Variants in EBF1 observed in about 807,000 individuals in gnomAD.
The protein encoded by EBF1 is transcription factor COE1.
In EBF1, 10 loss-of-function variants were observed where a neutral mutation model predicts 68.4. The observed-to-expected ratio is 0.15, with a 90% CI of 0.09 to 0.25. The LOEUF is 0.25. EBF1 is among the 10% of genes least tolerant of loss of function. EBF1 has a pLI of 1.00. For synonymous variants in EBF1, 298 were observed against 299.8 expected, an observed-to-expected ratio of 0.99 and a Z score of 0.06; for missense variants, 509 against 794.4, an observed-to-expected ratio of 0.64 and a Z score of 4.32.
chr5:158,770,309 A>T (rs2127651082), intron 10 of EBF1, among the ~76,000 whole-genome samples: 1 of 152,052 alleles, frequency 6.6e-6, no homozygotes, highest in South Asian at 2.1e-4. Flanking sequence ...ATCTCCACTG[A>T]TTACCACCCA....
chr5:159,092,939 C>T (rs943514634), intron 4 of EBF1, among the ~76,000 whole-genome samples: 5 of 152,110 alleles, frequency 3.3e-5, no homozygotes, highest in African/African-American at 1.2e-4. Flanking sequence ...TATATCAAGA[C>T]TTACATCTGA....
chr5:158,696,445 G>C lies in EBF1; in HGVS notation c.*2666C>G, dbSNP rs1328943632. On this transcript the variant is annotated 3_prime_UTR_variant, in exon 16 of 16. Coordinates refer to ENST00000313708, the MANE Select transcript of EBF1 (RefSeq NM_024007.5). Reference sequence around the variant, plus strand: ...CATGGCTGACAGATGGGTAGTGTCTGTTGTCAAGGTCTAAGCCGGACACCT... The same window carrying C: ...CATGGCTGACAGATGGGTAGTGTCTCTTGTCAAGGTCTAAGCCGGACACCT... 2 of 221,738 alleles carry C rather than the reference G, an allele frequency of 9.0e-6. No homozygotes were observed. Among genetic ancestry groups the C allele is most frequent in the Non-Finnish European group, 1.8e-5 (2 of 110,866 alleles). The allele number at this position is 221,738 out of a possible 1,614,324, so 13.7% of individuals were successfully genotyped here.
chr5:159,041,816 T>C (rs1584195719), intron 6 of EBF1, among the ~76,000 whole-genome samples: 1 of 152,170 alleles, frequency 6.6e-6, no homozygotes, highest in African/African-American at 2.4e-5. Flanking sequence ...ATTGGAAGGG[T>C]CAGCTCACTG....
chr5:158,809,398 G>A (rs1782183508), intron 8 of EBF1, among the ~76,000 whole-genome samples: 1 of 152,046 alleles, frequency 6.6e-6, no homozygotes. Flanking sequence ...GTGTTTATCT[G>A]AAATTTCTGT....
At chr5:159,056,630 C>T (rs1774789440) in intron 6 of EBF1, among the ~76,000 whole-genome samples, 2 of 152,162 alleles carry the variant, frequency 1.3e-5, no homozygotes, top group African/African-American at 4.8e-5. Flanking sequence ...GGAAGAAATA[C>T]AGTGTACTTT....
At chr5:158,992,931 T>C (rs1190323072) in intron 6 of EBF1, among the ~76,000 whole-genome samples, 2 of 135,386 alleles carry the variant, frequency 1.5e-5, no homozygotes, top group African/African-American at 2.8e-5. Flanking sequence ...TTTTTTTTTT[T>C]TTTTTTTTTT....
At chr5:158,701,516 T>A (rs150443463) in intron 15 of EBF1, among the ~76,000 whole-genome samples, 4 of 152,184 alleles carry the variant, frequency 2.6e-5, no homozygotes, top group African/African-American at 9.6e-5. Context: ...TTTTGGACCA[T>A]TGGGGCTGCA....
chr5:159,012,447 C>A (rs1325366209), intron 6 of EBF1, among the ~76,000 whole-genome samples: 1 of 152,024 alleles, frequency 6.6e-6, no homozygotes, highest in Non-Finnish European at 1.5e-5. Context: ...AGTCCTAACC[C>A]CCAGTACCTC....
At chr5:159,051,414 C>T (rs1266157223) in intron 6 of EBF1, among the ~76,000 whole-genome samples, 1 of 130,684 alleles carries the variant, frequency 7.7e-6, no homozygotes, top group Admixed American at 7.5e-5. Flanking sequence ...CCCTCCCCCT[C>T]CCCCCCGCTC....
At position 159,083,530 on chromosome 5, in the gene EBF1, G is replaced by C. The variant is rs183010542; in HGVS notation, c.485+1136C>G. Among the ~76,000 whole-genome samples, 99 of 152,232 alleles carry C rather than the reference G, an allele frequency of 6.5e-4. No homozygotes were observed. In the Middle Eastern group the frequency reaches 0.017, roughly 26 times the overall value. Reference sequence around the variant, plus strand: ...ATATGTTAGAAATATTTTTAAAAGGGAAAAAATGAAAATTGTATATCCATA... The same window carrying C: ...ATATGTTAGAAATATTTTTAAAAGGCAAAAAATGAAAATTGTATATCCATA... On this transcript the variant is annotated intron_variant, in intron 5 of 15. Coordinates refer to ENST00000313708, the MANE Select transcript of EBF1 (RefSeq NM_024007.5).
intron 6 of EBF1, among the ~76,000 whole-genome samples, chr5:158,843,714 T>C (rs957878946): frequency 2.0e-5 from 3 of 152,164 alleles, no homozygotes; most frequent in African/African-American, 7.2e-5. Context: ...AGAAATTCTT[T>C]CAAAGTTTTC....
chr5:158,770,316 C>A (rs989636844), intron 10 of EBF1, among the ~76,000 whole-genome samples: 1 of 152,074 alleles, frequency 6.6e-6, no homozygotes, highest in Non-Finnish European at 1.5e-5. Flanking sequence ...CTGATTACCA[C>A]CCAAATCAAA....
chr5:159,011,396 T>C (rs1764636186), intron 6 of EBF1, among the ~76,000 whole-genome samples: 1 of 152,240 alleles, frequency 6.6e-6, no homozygotes. Flanking sequence ...TTTTGTTAGC[T>C]GGCTGCCGGA....
At chr5:158,852,996 G>A (rs1449567017) in intron 6 of EBF1, among the ~76,000 whole-genome samples, 1 of 152,124 alleles carries the variant, frequency 6.6e-6, no homozygotes, top group Non-Finnish European at 1.5e-5. Context: ...ATCTAATCCA[G>A]ATATTCTTAA....
rs867575387 is a variant in EBF1, at chr5:158,948,680, C to A, written c.555-108570G>T. ...GAGGCCGGTCTGCGCTCTCCCAGAG[C>A]CAAATGAACCCTCCCTTGCTTTCTC... On this transcript the variant is annotated intron_variant, in intron 6 of 15. Coordinates refer to ENST00000313708, the MANE Select transcript of EBF1 (RefSeq NM_024007.5). Among the ~76,000 whole-genome samples the A allele has an allele frequency of 7.9e-5, 12 of 152,320 alleles. No individual in the cohort carries two copies. The Middle Eastern group carries it at 0.01, about 130-fold the overall frequency.
intron 6 of EBF1, chr5:158,984,728 C>T (rs941472722): frequency 1.3e-5 from 2 of 149,272 alleles, no homozygotes; most frequent in African/African-American, 5.0e-5. Context: ...ACTCTGTCAC[C>T]CAGGCTGCAG....
rs1350397888 is a variant in EBF1, at chr5:158,707,992, C to A, written c.1731G>T (p.Gly577=). 13 of 1,549,540 alleles carry A rather than the reference C, an allele frequency of 8.4e-6. No individual in the cohort carries two copies. The highest frequency in any genetic ancestry group is 1.0e-5 in the Non-Finnish European group (12 of 1,146,674). ...SPPPTCTSTN[G]NSLQAISGMI... Reference sequence around the variant, plus strand: ...CCTGGGGCTTACCTTGCAGGCTGTTCCCGTTGGTGCTGGTGCAGGTGGGAG... The same window carrying A: ...CCTGGGGCTTACCTTGCAGGCTGTTACCGTTGGTGCTGGTGCAGGTGGGAG... The change falls in exon 15 of 16, where the codon GGG becomes GGT. Residue 577 remains glycine, a synonymous_variant. Transcript: ENST00000313708.
At chr5:158,883,445 CAT>C (rs2128095244) in intron 6 of EBF1, among the ~76,000 whole-genome samples, 1 of 150,454 alleles carries the variant, frequency 6.6e-6, no homozygotes, top group East Asian at 1.9e-4. Context: ...TACACATACA[CAT>C]ATCAGTATAA....
chr5:158,807,260 TGCTCACAGGGCTAG>T (rs1265051633), intron 8 of EBF1, among the ~76,000 whole-genome samples: 1 of 152,060 alleles, frequency 6.6e-6, no homozygotes, highest in Non-Finnish European at 1.5e-5. Context: ...CAAAATCAAA[TGCTCACAGGGCTAG>T]GCAGGAAGGT....
Sources: gnomAD v4.1 joint callset for allele counts (sites outside exome capture counted in the v4.1 genomes callset) on GRCh38, gnomAD v4.1.1 for gene constraint, MANE v1.5 for transcripts, NCBI Gene and HGNC (gene_info 2026-07-23, HGNC 2026-07-21) for gene names.